WWC2: variants seen among roughly 807,000 people sequenced by gnomAD.
WWC2 encodes the protein protein WWC2.
A neutral mutation model predicts 138.5 loss-of-function variants in WWC2; 101 were observed. The observed-to-expected ratio is 0.73, with a 90% confidence interval of 0.62 to 0.86. The LOEUF is 0.86. WWC2 is among the 40% of genes least tolerant of loss of function. WWC2 has a pLI of 0.00. For missense variants in WWC2, 1,420 were observed against 1,419.4 expected, an observed-to-expected ratio of 1.00 and a Z score of -0.01; for synonymous variants, 558 against 538.4, an observed-to-expected ratio of 1.04 and a Z score of -0.50.
In WWC2 at chr4:183,099,436, C is replaced by A; in HGVS notation, c.-56C>A. 8.3e-7 allele frequency: 1 copy of A among 1,200,740 alleles called. No homozygotes were observed. Among genetic ancestry groups the A allele is most frequent in the East Asian group, 3.7e-5 (1 of 26,890 alleles). The allele number at this position is 1,200,740 out of a possible 1,614,324, so 74.4% of individuals were successfully genotyped here. A position where few individuals can be genotyped will look rare whatever the true frequency, so the allele number is the denominator to read the frequency against. On this transcript the variant is annotated 5_prime_UTR_variant, in exon 1 of 23. Coordinates refer to ENST00000403733, the MANE Select transcript of WWC2 (RefSeq NM_024949.6). ...GCCTAGCCCGGCAGCCGCGTTCCCGCCGCGTCCCGCGCCCGGTACCTATGG... is the reference window on the plus strand; with the variant it reads ...GCCTAGCCCGGCAGCCGCGTTCCCGACGCGTCCCGCGCCCGGTACCTATGG...
intron 4 of WWC2, among the ~76,000 whole-genome samples, chr4:183,239,939 A>G (rs1244672556): frequency 6.6e-6 from 1 of 152,212 alleles, no homozygotes; most frequent in African/African-American, 2.4e-5. Context: ...TCCAGCTCAT[A>G]AGAATGTTGC....
intron 16 of WWC2, among the ~76,000 whole-genome samples, chr4:183,273,298 A>G (rs780167742): frequency 5.3e-5 from 8 of 150,430 alleles, no homozygotes; most frequent in Non-Finnish European, 7.4e-5. Flanking sequence ...ATTTATTTTT[A>G]ATTTATTATC....
chr4:183,110,947 C>G (rs1395568938), intron 1 of WWC2, among the ~76,000 whole-genome samples: 2 of 151,788 alleles, frequency 1.3e-5, no homozygotes, highest in Non-Finnish European at 2.9e-5. Flanking sequence ...GATTAAAATC[C>G]TGATTTACAG....
rs1736384587 is a variant in WWC2 at position 183,235,221 on chromosome 4, A to G, written c.523-4962A>G. 2.0e-5 allele frequency among the ~76,000 whole-genome samples: 3 copies of G among 152,192 alleles called. No homozygotes were observed. In the South Asian group the frequency reaches 6.2e-4, roughly 32 times the overall value. ...GGTAAACTAAATAATGTGGGGGACA[A>G]AGAAAGCACAGGTTAGCTTCCTATG... On this transcript the variant is annotated intron_variant, in intron 4 of 22. Coordinates refer to ENST00000403733, the MANE Select transcript of WWC2 (RefSeq NM_024949.6).
At chr4:183,265,994 T>A in intron 14 of WWC2, 43 bp downstream of exon 14, 1 of 1,533,372 alleles carries the variant, frequency 6.5e-7, no homozygotes, top group Non-Finnish European at 8.9e-7. Context: ...ACTTAAACAT[T>A]TCCATGTAAG....
chr4:183,159,265 A>G (rs1733890633), intron 1 of WWC2, among the ~76,000 whole-genome samples: 1 of 152,188 alleles, frequency 6.6e-6, no homozygotes, highest in Admixed American at 6.5e-5. Flanking sequence ...TTTTCTGACT[A>G]GGCATGGATT....
At chr4:183,246,717 G>T (rs566712214) in intron 6 of WWC2, among the ~76,000 whole-genome samples, 1 of 152,182 alleles carries the variant, frequency 6.6e-6, no homozygotes, top group Non-Finnish European at 1.5e-5. Flanking sequence ...CTGGTAAGTA[G>T]CAAGACTATG....
intron 2 of WWC2, among the ~76,000 whole-genome samples, chr4:183,204,977 A>C (rs533497819): frequency 6.6e-6 from 1 of 152,208 alleles, no homozygotes; most frequent in Non-Finnish European, 1.5e-5. Flanking sequence ...TATTGTATGG[A>C]TATACCACAG....
intron 1 of WWC2, among the ~76,000 whole-genome samples, chr4:183,177,173 T>C (rs1734492621): frequency 2.6e-5 from 4 of 152,220 alleles, no homozygotes; most frequent in Admixed American, 2.6e-4. Context: ...TAGTGACTAC[T>C]TTAGATAGAC....
At chr4:183,267,412 T>C (rs981971833) in intron 14 of WWC2, among the ~76,000 whole-genome samples, 60 of 152,228 alleles carry the variant, frequency 3.9e-4, no homozygotes, top group African/African-American at 1.4e-3. Flanking sequence ...GACTTCTCCC[T>C]ACCAGTAGAT....
At chr4:183,234,996 T>C (rs1376424832) in intron 4 of WWC2, among the ~76,000 whole-genome samples, 1 of 152,212 alleles carries the variant, frequency 6.6e-6, no homozygotes, top group South Asian at 2.1e-4. Flanking sequence ...GAAAGGTTGT[T>C]GAACTACTAA....
intron 20 of WWC2, among the ~76,000 whole-genome samples, chr4:183,288,897 T>C (rs1282373956): frequency 6.6e-6 from 1 of 152,222 alleles, no homozygotes; most frequent in African/African-American, 2.4e-5. Flanking sequence ...TTATGTGTCC[T>C]GAAATGGAGG....
In WWC2 at chr4:183,248,774, G is replaced by T. The variant is rs774002337; in HGVS notation, c.793G>T (p.Asp265Tyr). 1.2e-6 allele frequency: 2 copies of T among 1,604,044 alleles called. No individual in the cohort carries two copies. The highest frequency in any genetic ancestry group is 2.7e-5 in the African/African-American group (2 of 74,860). Residue 265 changes from aspartate (D) to tyrosine (Y), a missense_variant, in exon 7 of 23, where the codon GAT becomes TAT. Coordinates refer to ENST00000403733, the MANE Select transcript of WWC2 (RefSeq NM_024949.6). ...TCAGAACATTGGCAGATCTGAGCCA[G>T]ATTTGAGATGTAGTCCTGTGAACTC... is the stretch of plus-strand genomic sequence containing the variant. ...LDQNIGRSEP[D>Y]LRCSPVNSHL...
At chr4:183,173,063 C>G (rs987067801) in intron 1 of WWC2, among the ~76,000 whole-genome samples, 1 of 151,970 alleles carries the variant, frequency 6.6e-6, no homozygotes, top group South Asian at 2.1e-4. Context: ...CTCCTCTCCT[C>G]ACCCCACAGG....
chr4:183,275,325 C>G (rs1737820169), intron 16 of WWC2, among the ~76,000 whole-genome samples: 1 of 151,886 alleles, frequency 6.6e-6, no homozygotes, highest in Admixed American at 6.6e-5. Context: ...TTTGCCCTGG[C>G]TAGAACTTCC....
At chr4:183,124,135 AC>A (rs1732687470) in intron 1 of WWC2, among the ~76,000 whole-genome samples, 1 of 152,204 alleles carries the variant, frequency 6.6e-6, no homozygotes, top group Admixed American at 6.5e-5. Flanking sequence ...AGATACCCAA[AC>A]AGTTCCTGTT....
intron 3 of WWC2, among the ~76,000 whole-genome samples, chr4:183,208,673 T>C (rs887316567): frequency 2.6e-5 from 4 of 152,160 alleles, no homozygotes; most frequent in Non-Finnish European, 1.5e-5. Context: ...GATATACTGC[T>C]GCAGTATAGT....
chr4:183,104,873 C>G (rs1743299717), intron 1 of WWC2, among the ~76,000 whole-genome samples: 1 of 152,098 alleles, frequency 6.6e-6, no homozygotes. Context: ...TTGGAAGACT[C>G]AGGACAATAA....
intron 9 of WWC2, among the ~76,000 whole-genome samples, chr4:183,257,204 G>A (rs547507272): frequency 6.6e-5 from 10 of 152,000 alleles, no homozygotes; most frequent in Non-Finnish European, 1.0e-4. Context: ...TTGCCAAGAC[G>A]TCTTAATTGT....
Sources: allele counts gnomAD v4.1 joint callset (sites outside exome capture counted in the v4.1 genomes callset), GRCh38; gene constraint gnomAD v4.1.1; transcripts MANE v1.5; gene names NCBI Gene and HGNC (gene_info 2026-07-23, HGNC 2026-07-21).